DDX17: variants seen among roughly 807,000 people sequenced by gnomAD.
DDX17 encodes the protein DEAD-box helicase 17.
DDX17 carries 10 observed loss-of-function variants against 80.8 expected under a neutral mutation model. The ratio of observed to expected loss-of-function variants is 0.12; its 90% CI spans 0.08 to 0.21. DDX17 has a LOEUF of 0.21. Ranked by LOEUF, DDX17 falls within the 10% of genes least tolerant of loss-of-function variation. DDX17 has a pLI of 1.00. For synonymous variants in DDX17, 339 were observed against 336.2 expected (o/e 1.01, Z -0.09); for missense variants, 586 against 957.4 (o/e 0.61, Z 5.12).
At chr22:38,491,753 GCTGT>G in intron 11 of DDX17, 1 of 287,304 alleles carries the variant, frequency 3.5e-6, no homozygotes, top group East Asian at 6.4e-5. Flanking sequence ...GAGCCATTCA[GCTGT>G]CTGTCTCCTC....
At chr22:38,494,271 G>A (rs1480362951) in intron 8 of DDX17, 140 bp from the exon 9 acceptor site, 3 of 639,018 alleles carry the variant, frequency 4.7e-6, no homozygotes, top group Non-Finnish European at 8.0e-6. Context: ...TTAGAGTACT[G>A]AGTCAGGTTC....
intron 6 of DDX17, among the ~76,000 whole-genome samples, chr22:38,495,496 C>T (rs560600219): frequency 1.1e-3 from 160 of 152,278 alleles, no homozygotes; most frequent in African/African-American, 3.7e-3. Context: ...CCGCCCACCT[C>T]GGCCTCCCAA....
rs2089878703 is a variant in DDX17, at chr22:38,505,985, A to G, written c.253T>C (p.Phe85Leu). 6.3e-7 allele frequency: 1 copy of G among 1,593,054 alleles called. No individual in the cohort carries two copies. Among genetic ancestry groups the G allele is most frequent in the Non-Finnish European group, 8.5e-7 (1 of 1,170,296 alleles). The stretch of plus-strand genomic sequence containing the variant: ...TCACGATCCCGGTCCCGGTCCCCAA[A>G]GCCTCCTCCGCGCATGGTCCCAAAA... The change falls in exon 1 of 13, where the codon TTT (phenylalanine) becomes CTT (leucine). Residue 85 changes from phenylalanine to leucine, a missense_variant. Physicochemically the swap from Phe to Leu is conservative, Grantham distance 22 (BLOSUM62 0). This residue lies in a region of DDX17 where 215 missense variants were observed against 238.4 expected (regional missense o/e 0.90). Transcript: ENST00000403230.
Position 38,499,486 on chromosome 22 carries a change from T to C in DDX17, c.452A>G (p.Glu151Gly). 1.9e-6 allele frequency: 3 copies of C among 1,611,750 alleles called. No individual in the cohort carries two copies. Among genetic ancestry groups the C allele is most frequent in the Non-Finnish European group, 2.5e-6 (3 of 1,178,558 alleles). Residue 151 changes from glutamate (E) to glycine (G), a missense_variant, in exon 3 of 13, where the codon GAG becomes GGG. Transcript: ENST00000403230. ...TGTAATCTCCTTCTTTCGGCGTAGC[T>C]CATCAACCTCATACTATTGAAAAAA...
At position 38,484,284 on chromosome 22, in the gene DDX17, T is replaced by C. The variant is rs1415960819; in HGVS notation, c.*1651A>G. 2 of 152,026 alleles carry C rather than the reference T, an allele frequency of 1.3e-5. No homozygotes were observed. The highest frequency in any genetic ancestry group is 2.4e-5 in the African/African-American group (1 of 41,218). 9.4% of individuals were successfully genotyped at this position (152,026 alleles called of 1,614,324 possible). On this transcript the variant is annotated 3_prime_UTR_variant, in exon 13 of 13. Coordinates refer to ENST00000403230, the MANE Select transcript of DDX17 (RefSeq NM_006386.5). ...AAGAGAAGTAAAGTTAAGAAGAAAG[T>C]GGAAAATTAAAAAAAAAGATGTCAA...
intron 8 of DDX17, 46 bp from the exon 9 acceptor site, chr22:38,494,177 T>G: frequency 7.6e-7 from 1 of 1,316,654 alleles, no homozygotes; most frequent in Non-Finnish European, 1.1e-6. Flanking sequence ...AAAGTTATTA[T>G]GTGGACGATT....
rs774551391 is a variant in DDX17 at position 38,492,029 on chromosome 22, T to C, written c.1447+27A>G. On this transcript the variant is annotated intron_variant, in intron 11 of 12. Coordinates refer to ENST00000403230, the MANE Select transcript of DDX17 (RefSeq NM_006386.5). ...TTTAAACCAAAAGATACATATACCA[T>C]TGACAGAGACACCTATCTATACAAA... 5.8e-6 allele frequency: 9 copies of C among 1,549,234 alleles called. No individual in the cohort carries two copies. In the East Asian group the frequency reaches 1.8e-4, roughly 31 times the overall value.
intron 1 of DDX17, among the ~76,000 whole-genome samples, chr22:38,503,504 T>C (rs973177719): frequency 6.6e-6 from 1 of 152,190 alleles, no homozygotes; most frequent in African/African-American, 2.4e-5. Flanking sequence ...ATTTGAAACA[T>C]GTGGTTCTTG....
intron 2 of DDX17, among the ~76,000 whole-genome samples, 182 bp from the exon 3 acceptor site, chr22:38,499,681 A>G (rs2089807376): frequency 6.6e-6 from 1 of 152,224 alleles, no homozygotes; most frequent in South Asian, 2.1e-4. Context: ...TTGTAAGTTA[A>G]TTAATGATGT....
At chr22:38,496,805 CA>C (rs562311862) in intron 5 of DDX17, among the ~76,000 whole-genome samples, 35 of 152,158 alleles carry the variant, frequency 2.3e-4, no homozygotes, top group African/African-American at 8.2e-4. Flanking sequence ...CCAAATAATA[CA>C]AAAATCAAGG....
At chr22:38,486,854 C>A (rs946723726) in intron 12 of DDX17, among the ~76,000 whole-genome samples, 4 of 152,140 alleles carry the variant, frequency 2.6e-5, no homozygotes, top group Non-Finnish European at 5.9e-5. Flanking sequence ...TAATATACTA[C>A]TAAGCATTTT....
intron 4 of DDX17, 89 bp downstream of exon 4, chr22:38,498,351 C>T (rs1204133803): frequency 6.4e-7 from 1 of 1,553,156 alleles, no homozygotes; most frequent in Non-Finnish European, 8.8e-7. Flanking sequence ...ATCTGAATGG[C>T]ACTTCTACGA....
chr22:38,487,224 G>C (rs1252231373), intron 12 of DDX17, among the ~76,000 whole-genome samples: 1 of 152,122 alleles, frequency 6.6e-6, no homozygotes, highest in African/African-American at 2.4e-5. Flanking sequence ...GCTAGGTTTG[G>C]TGGCTCACTC....
intron 1 of DDX17, among the ~76,000 whole-genome samples, chr22:38,504,636 A>G (rs2089861710): frequency 6.6e-6 from 1 of 152,246 alleles, no homozygotes. Flanking sequence ...ATAAATCAAA[A>G]TAATTTTGTA....
At chr22:38,497,755 T>G (rs995745731) in intron 5 of DDX17, among the ~76,000 whole-genome samples, 2 of 149,920 alleles carry the variant, frequency 1.3e-5, no homozygotes, top group Non-Finnish European at 3.0e-5. Context: ...GGAGCGAACC[T>G]CCATCTCAAA....
At chr22:38,496,900 CAT>C (rs1434831066) in intron 5 of DDX17, among the ~76,000 whole-genome samples, 3 of 152,138 alleles carry the variant, frequency 2.0e-5, no homozygotes, top group Non-Finnish European at 4.4e-5. Context: ...TGCTGTCAGA[CAT>C]ATACTATGTA....
rs764640912 is a variant in DDX17, at chr22:38,489,621, T to TC, written c.1448-1507_1448-1506insG. 7.8e-3 allele frequency: 4,301 copies of TC among 554,364 alleles called. 1 individual carries two copies. The highest frequency in any genetic ancestry group is 0.012 in the Middle Eastern group (13 of 1,096). 34.3% of individuals were successfully genotyped at this position (554,364 alleles called of 1,614,324 possible). On this transcript the variant is annotated intron_variant, in intron 11 of 12. Coordinates refer to ENST00000403230, the MANE Select transcript of DDX17 (RefSeq NM_006386.5). The surrounding 1 kb of genome is among the most constrained non-coding windows in gnomAD (Gnocchi z 4.6). ...TTAATTTCAAGGGAGAAAGGGGAGA[T>TC]TAAAAAAAAAAAATTAGCTGTTGTT...
In DDX17 at chr22:38,495,883, C is replaced by T. The variant is rs761948530; in HGVS notation, c.793G>A (p.Asp265Asn). Residue 265 changes from aspartate to asparagine, a missense_variant, in exon 6 of 13, where the codon GAT becomes AAT. Physicochemically the swap from Asp to Asn is conservative, Grantham distance 23. Around this residue, in one of 4 missense-constraint regions of DDX17, gnomAD observed 141 missense variants for 379.3 expected, o/e 0.37. Coordinates refer to ENST00000403230, the MANE Select transcript of DDX17 (RefSeq NM_006386.5). ...AATCTAGAACATTTGCCATAGTCAT[C>T]GGCCACCTGCTGTACTTGCTGGGCA... 6 of 1,610,648 alleles carry T rather than the reference C, an allele frequency of 3.7e-6. No individual in the cohort carries two copies. Among genetic ancestry groups the T allele is most frequent in the South Asian group, 1.1e-5 (1 of 90,534 alleles).
rs753053441 is a variant in DDX17, at chr22:38,485,412, G to C, written c.*523C>G. ...CCCGAGGAAACCTGTTCCAACTTAAGAAACATTTAAAAGCACAAAAGAAAA... is the reference window on the plus strand; with the variant it reads ...CCCGAGGAAACCTGTTCCAACTTAACAAACATTTAAAAGCACAAAAGAAAA... On this transcript the variant is annotated 3_prime_UTR_variant, in exon 13 of 13. Transcript: ENST00000403230. 9 of 152,126 alleles carry C rather than the reference G, an allele frequency of 5.9e-5. No individual in the cohort carries two copies. Among genetic ancestry groups the C allele is most frequent in the African/African-American group, 9.7e-5 (4 of 41,408 alleles). The allele number at this position is 152,126 out of a possible 1,614,324, so 9.4% of individuals were successfully genotyped here.
Sources: gnomAD v4.1 joint callset for allele counts (sites outside exome capture counted in the v4.1 genomes callset) on GRCh38, gnomAD v4.1.1 for gene constraint, gnomAD v4.1.1 regional missense constraint, Gnocchi (gnomAD v3.1) non-coding constraint, MANE v1.5 for transcripts, NCBI Gene and HGNC (gene_info 2026-07-23, HGNC 2026-07-21) for gene names.